Variants in KCNJ10 observed in about 807,000 individuals in gnomAD.
KCNJ10 encodes the protein ATP-sensitive inward rectifier potassium channel 10.
Under a neutral mutation model 22.2 loss-of-function variants are expected in KCNJ10, and 9 were observed. That is an observed-to-expected ratio of 0.40 (90% CI 0.24 to 0.71). KCNJ10 has a LOEUF of 0.71. Ranked by LOEUF, KCNJ10 falls within the 30% of genes least tolerant of loss-of-function variation. KCNJ10 has a pLI of 0.35. For missense variants in KCNJ10, 337 were observed against 482.7 expected, an observed-to-expected ratio of 0.70 and a Z score of 2.83; for synonymous variants, 184 against 187.3, an observed-to-expected ratio of 0.98 and a Z score of 0.15.
chr1:160,062,988 A>C (rs1174013761), intron 1 of KCNJ10, among the ~76,000 whole-genome samples: 1 of 152,096 alleles, frequency 6.6e-6, no homozygotes, highest in African/African-American at 2.4e-5. Flanking sequence ...AGGGAATTCA[A>C]CCTGAACTAG....
chr1:160,043,922 A>G (rs926947557), intron 1 of KCNJ10, among the ~76,000 whole-genome samples: 5 of 152,206 alleles, frequency 3.3e-5, no homozygotes, highest in Admixed American at 2.6e-4. Context: ...TCTTCTGTGG[A>G]GCAGGGTGAT....
At chr1:160,055,623 G>A (rs1649009879) in intron 1 of KCNJ10, among the ~76,000 whole-genome samples, 1 of 152,158 alleles carries the variant, frequency 6.6e-6, no homozygotes, top group Non-Finnish European at 1.5e-5. Flanking sequence ...GAGGTGACGG[G>A]AGAGTTCCAT....
intron 1 of KCNJ10, among the ~76,000 whole-genome samples, chr1:160,066,819 G>A (rs1248867538): frequency 6.6e-6 from 1 of 152,194 alleles, no homozygotes; most frequent in Non-Finnish European, 1.5e-5. Flanking sequence ...TTAAGGATGG[G>A]CTTCTGTGTT....
chr1:160,054,794 T>G (rs929709497), intron 1 of KCNJ10, among the ~76,000 whole-genome samples: 1 of 152,064 alleles, frequency 6.6e-6, no homozygotes, highest in African/African-American at 2.4e-5. Context: ...CAACCTAGTT[T>G]AGGTACCAGA....
chr1:160,042,632 T>A, intron 1 of KCNJ10, 100 bp from the exon 2 acceptor site: 1 of 1,062,238 alleles, frequency 9.4e-7, no homozygotes, highest in Non-Finnish European at 1.4e-6. Context: ...CATTTGAATG[T>A]CGCTTATGTG....
chr1:160,067,952 T>G (rs1307861695), intron 1 of KCNJ10: 1 of 151,654 alleles, frequency 6.6e-6, no homozygotes, highest in Non-Finnish European at 1.5e-5. Context: ...CCAAGGAAGG[T>G]CAAGGGAAGG....
intron 1 of KCNJ10, among the ~76,000 whole-genome samples, chr1:160,066,802 G>A (rs1001739692): frequency 8.5e-5 from 13 of 152,130 alleles, no homozygotes; most frequent in African/African-American, 1.2e-4. Context: ...CACTCCTCTC[G>A]GAAGCTTTAA....
chr1:160,049,597 C>T lies in KCNJ10; in HGVS notation c.1-7065G>A, dbSNP rs187207378. Among the ~76,000 whole-genome samples the T allele has an allele frequency of 1.6e-4, 24 of 147,630 alleles. No homozygotes were observed. The East Asian group carries it at 4.0e-3, about 25-fold the overall frequency. The stretch of plus-strand genomic sequence containing the variant: ...TATCCAACTATACCCGTAATGGCAC[C>T]GCTCTTAGTACATGGTGTATCATTT... On this transcript the variant is annotated intron_variant, in intron 1 of 1. Transcript: ENST00000644903.
Position 160,038,934 on chromosome 1 carries a change from A to G in KCNJ10, c.*2459T>C, listed in dbSNP as rs532869749. Reference sequence around the variant, plus strand: ...CCTACCGAAATCTCCCCTTTTTACAACTGTGCCTACTACTCTGCTGATATT... The same window carrying G: ...CCTACCGAAATCTCCCCTTTTTACAGCTGTGCCTACTACTCTGCTGATATT... On this transcript the variant is annotated 3_prime_UTR_variant, in exon 2 of 2. Transcript: ENST00000644903. 2 of 152,216 alleles carry G rather than the reference A, an allele frequency of 1.3e-5. No homozygotes were observed. Among genetic ancestry groups the G allele is most frequent in the South Asian group, 4.1e-4 (2 of 4,824 alleles). The allele number at this position is 152,216 out of a possible 1,614,324, so 9.4% of individuals were successfully genotyped here.
intron 1 of KCNJ10, among the ~76,000 whole-genome samples, chr1:160,053,743 G>C (rs1486760446): frequency 2.6e-5 from 4 of 152,014 alleles, no homozygotes; most frequent in Non-Finnish European, 4.4e-5. Flanking sequence ...TCGAGGCCCT[G>C]GCCCATGGAA....
At chr1:160,054,786 A>G (rs1295597470) in intron 1 of KCNJ10, among the ~76,000 whole-genome samples, 1 of 152,080 alleles carries the variant, frequency 6.6e-6, no homozygotes, top group Non-Finnish European at 1.5e-5. Flanking sequence ...GAGGGGATCA[A>G]CCTAGTTTAG....
At chr1:160,052,484 G>C (rs186678127) in intron 1 of KCNJ10, among the ~76,000 whole-genome samples, 1 of 152,154 alleles carries the variant, frequency 6.6e-6, no homozygotes, top group Non-Finnish European at 1.5e-5. Flanking sequence ...GGAGAGCCCT[G>C]TATGCAGTAG....
intron 1 of KCNJ10, among the ~76,000 whole-genome samples, chr1:160,064,105 G>A (rs1649261729): frequency 6.6e-6 from 1 of 152,176 alleles, no homozygotes; most frequent in South Asian, 2.1e-4. Context: ...CATGGCAGCT[G>A]AAGGAAATCA....
rs1217933421 is a variant in KCNJ10, at chr1:160,038,008, C to A, written c.*3385G>T. 1.3e-5 allele frequency: 2 copies of A among 152,302 alleles called. No homozygotes were observed. The highest frequency in any genetic ancestry group is 2.9e-5 in the Non-Finnish European group (2 of 68,078). The allele number at this position is 152,302 out of a possible 1,614,324, so 9.4% of individuals were successfully genotyped here. On this transcript the variant is annotated 3_prime_UTR_variant, in exon 2 of 2. Coordinates refer to ENST00000644903, the MANE Select transcript of KCNJ10 (RefSeq NM_002241.5). Reference sequence around the variant, plus strand: ...ATGCCCAAATGCCAGGATTGGAACTCTTCTGGAATCCATGGCTTTCTCTTT... The same window carrying A: ...ATGCCCAAATGCCAGGATTGGAACTATTCTGGAATCCATGGCTTTCTCTTT...
intron 1 of KCNJ10, among the ~76,000 whole-genome samples, chr1:160,059,391 A>C (rs1418553494): frequency 6.6e-6 from 1 of 152,152 alleles, no homozygotes; most frequent in Non-Finnish European, 1.5e-5. Flanking sequence ...TTTACATCAG[A>C]ATCAGAGCAA....
intron 1 of KCNJ10, among the ~76,000 whole-genome samples, chr1:160,061,046 G>T (rs1342266650): frequency 6.6e-6 from 1 of 152,132 alleles, no homozygotes; most frequent in African/African-American, 2.4e-5. Flanking sequence ...TCTAGACCCA[G>T]AAGCCCACTT....
chr1:160,065,459 T>C (rs575943602), intron 1 of KCNJ10, among the ~76,000 whole-genome samples: 3 of 152,260 alleles, frequency 2.0e-5, no homozygotes, highest in East Asian at 3.9e-4. Flanking sequence ...CCCCGGCTAA[T>C]GAGGGAGACA....
chr1:160,043,292 C>CACACACAT (rs1446189426), intron 1 of KCNJ10, among the ~76,000 whole-genome samples: 1 of 151,326 alleles, frequency 6.6e-6, no homozygotes. Flanking sequence ...CACACACACA[C>CACACACAT]ACACACACAC....
At chr1:160,047,847 C>T (rs1648784179) in intron 1 of KCNJ10, among the ~76,000 whole-genome samples, 1 of 152,082 alleles carries the variant, frequency 6.6e-6, no homozygotes, top group Non-Finnish European at 1.5e-5. Context: ...CTCAAGCAGT[C>T]CTCCCACCTC....
Sources: allele counts gnomAD v4.1 joint callset (sites outside exome capture counted in the v4.1 genomes callset), GRCh38; gene constraint gnomAD v4.1.1; transcripts MANE v1.5; gene names NCBI Gene and HGNC (gene_info 2026-07-23, HGNC 2026-07-21).